The following CCSER1 variants were observed in gnomAD, a reference collection of about 807,000 sequenced individuals.
CCSER1 encodes serine-rich coiled-coil domain-containing protein 1.
Under a neutral mutation model 82.0 loss-of-function variants are expected in CCSER1, and 41 were observed. That is an observed-to-expected ratio of 0.50 (90% CI 0.39 to 0.65). The LOEUF (loss-of-function observed/expected upper bound fraction) is 0.65, where lower values mean the gene tolerates loss of function less well. Ranked by LOEUF, CCSER1 falls within the 30% of genes least tolerant of loss-of-function variation. The pLI is 0.00. For missense variants in CCSER1, 1,119 were observed against 1,064.2 expected (o/e 1.05, Z -0.72); for synonymous variants, 414 against 383.9 (o/e 1.08, Z -0.92).
intron 10 of CCSER1, among the ~76,000 whole-genome samples, chr4:91,150,983 C>A (rs907692310): frequency 2.0e-5 from 3 of 151,968 alleles, no homozygotes; most frequent in Non-Finnish European, 2.9e-5. Flanking sequence ...TGCTGGCCTC[C>A]CAAAATGAGT....
intron 10 of CCSER1, among the ~76,000 whole-genome samples, chr4:91,597,019 A>G (rs1033359404): frequency 3.3e-5 from 5 of 152,052 alleles, no homozygotes; most frequent in East Asian, 1.9e-4. Flanking sequence ...ACTTATTTCA[A>G]TAATAATCAT....
chr4:91,157,371 T>C (rs912859303), intron 10 of CCSER1, among the ~76,000 whole-genome samples: 10 of 152,026 alleles, frequency 6.6e-5, no homozygotes, highest in Non-Finnish European at 1.0e-4. Context: ...GGTTTTATTC[T>C]TCTTTTCAGA....
intron 10 of CCSER1, among the ~76,000 whole-genome samples, chr4:91,384,017 C>A (rs753544135): frequency 6.6e-6 from 1 of 152,110 alleles, no homozygotes; most frequent in Non-Finnish European, 1.5e-5. Flanking sequence ...AAAGAATCAA[C>A]TTTGGCTCCC....
intron 10 of CCSER1, among the ~76,000 whole-genome samples, chr4:91,303,630 A>G (rs546088432): frequency 2.6e-5 from 4 of 151,656 alleles, no homozygotes; most frequent in Admixed American, 1.3e-4. Context: ...TACAAAAAGA[A>G]TAATAATAAT....
chr4:90,527,504 T>C (rs1438270611), intron 5 of CCSER1, among the ~76,000 whole-genome samples: 2 of 152,154 alleles, frequency 1.3e-5, no homozygotes, highest in Non-Finnish European at 2.9e-5. Context: ...ATAATAATTC[T>C]TATTACATGT....
intron 1 of CCSER1, among the ~76,000 whole-genome samples, chr4:90,170,012 C>T (rs1297562031): frequency 2.6e-5 from 4 of 151,760 alleles, no homozygotes; most frequent in African/African-American, 7.3e-5. Context: ...ATAGATAATT[C>T]CTCTAGCCTC....
At chr4:91,163,318 T>C (rs1473179707) in intron 10 of CCSER1, among the ~76,000 whole-genome samples, 2 of 152,246 alleles carry the variant, frequency 1.3e-5, no homozygotes, top group African/African-American at 4.8e-5. Context: ...ATGTCTGTTC[T>C]TTTACATTGG....
At chr4:91,418,004 C>T (rs186125738) in intron 10 of CCSER1, among the ~76,000 whole-genome samples, 136 of 151,908 alleles carry the variant, frequency 9.0e-4, no homozygotes, top group African/African-American at 3.1e-3. Flanking sequence ...GAAGAAAAAT[C>T]GAAAATTGGT....
chr4:90,863,949 TTTTTATTTTATTTTA>T (rs57672590), intron 8 of CCSER1, among the ~76,000 whole-genome samples: 8,974 of 117,552 alleles, frequency 0.076, 369 homozygotes, highest in African/African-American at 0.082. Flanking sequence ...ACCTATCACG[TTTTTATTTTATTTTA>T]TTTTATTTTA....
rs1312442481 is a variant in CCSER1, at chr4:90,659,031, T to A, written c.1932+30799T>A. Among the ~76,000 whole-genome samples, 4 of 151,844 alleles carry A rather than the reference T, an allele frequency of 2.6e-5. No individual in the cohort carries two copies. The East Asian group carries it at 7.7e-4, about 29-fold the overall frequency. ...TTTAGAAATAACAAAAAGTGGTGTG[T>A]GCAGTTCATCCTTGTAAATTTGATT... On this transcript the variant is annotated intron_variant, in intron 6 of 10. Coordinates refer to ENST00000509176, the MANE Select transcript of CCSER1 (RefSeq NM_001145065.2).
intron 10 of CCSER1, among the ~76,000 whole-genome samples, chr4:91,163,096 G>A (rs1176501783): frequency 1.3e-5 from 2 of 152,188 alleles, no homozygotes; most frequent in African/African-American, 4.8e-5. Context: ...TTTACACACA[G>A]TTTTAAATGT....
At chr4:91,503,308 G>C (rs934810722) in intron 10 of CCSER1, among the ~76,000 whole-genome samples, 4 of 150,084 alleles carry the variant, frequency 2.7e-5, no homozygotes, top group Admixed American at 1.3e-4. Context: ...TGCCACTGCA[G>C]TCCAACCTGG....
Position 90,303,587 on chromosome 4 carries a change from T to G in CCSER1, c.-41-4657T>G, listed in dbSNP as rs1258959009. On this transcript the variant is annotated intron_variant, in intron 1 of 10. Transcript: ENST00000509176. ...ATTTAATAAATGGTGCTGGGAAAAC[T>G]GGCTAGCCACATGTAGAAAGCTGAA... Among the ~76,000 whole-genome samples, 8 of 151,850 alleles carry G rather than the reference T, an allele frequency of 5.3e-5. No individual in the cohort carries two copies. In the East Asian group the frequency reaches 1.5e-3, roughly 29 times the overall value.
intron 10 of CCSER1, among the ~76,000 whole-genome samples, chr4:91,098,859 G>T (rs200510596): frequency 1.6e-5 from 2 of 124,726 alleles, no homozygotes; most frequent in African/African-American, 5.6e-5. Flanking sequence ...TTTTTTTAAA[G>T]GGATAAAAGA....
intron 9 of CCSER1, among the ~76,000 whole-genome samples, chr4:90,930,756 A>G (rs1297230715): frequency 6.6e-6 from 1 of 151,790 alleles, no homozygotes; most frequent in Non-Finnish European, 1.5e-5. Context: ...AATTATTATA[A>G]TCTGTATGAA....
At chr4:91,295,930 TCTTTAACCTAGGGA>T (rs1358711135) in intron 10 of CCSER1, among the ~76,000 whole-genome samples, 2 of 151,928 alleles carry the variant, frequency 1.3e-5, no homozygotes, top group African/African-American at 2.4e-5. Flanking sequence ...AAACAAAAAA[TCTTTAACCTAGGGA>T]CTTTATAGTA....
intron 2 of CCSER1, among the ~76,000 whole-genome samples, chr4:90,311,874 A>C (rs2153480439): frequency 6.6e-6 from 1 of 152,300 alleles, no homozygotes; most frequent in African/African-American, 2.4e-5. Context: ...TATTGTTTTA[A>C]CACTATGTTA....
At chr4:91,589,556 G>C (rs558630838) in intron 10 of CCSER1, among the ~76,000 whole-genome samples, 3 of 143,608 alleles carry the variant, frequency 2.1e-5, no homozygotes, top group Admixed American at 7.2e-5. Context: ...GGGCAGCAGG[G>C]TGTCTAGACA....
At chr4:90,893,120 T>C (rs1723190409) in intron 8 of CCSER1, among the ~76,000 whole-genome samples, 1 of 152,014 alleles carries the variant, frequency 6.6e-6, no homozygotes, top group South Asian at 2.1e-4. Context: ...GGCCAGACCA[T>C]AGTCACTGTC....
Sources: allele counts gnomAD v4.1 joint callset (sites outside exome capture counted in the v4.1 genomes callset), GRCh38; gene constraint gnomAD v4.1.1; transcripts MANE v1.5; gene names NCBI Gene and HGNC (gene_info 2026-07-23, HGNC 2026-07-21).